The following STK32B variants were observed in gnomAD, a reference collection of about 807,000 sequenced individuals.
The protein encoded by STK32B is serine/threonine kinase 32B, also known as serine/threonine-protein kinase 32B.
Under a neutral mutation model 52.6 loss-of-function variants are expected in STK32B, and 43 were observed. The observed-to-expected ratio is 0.82, with a 90% CI of 0.64 to 1.05. The LOEUF is 1.05. Ranked by LOEUF, STK32B falls within the 50% of genes least tolerant of loss-of-function variation. The pLI is 0.00. For synonymous variants in STK32B, 238 were observed against 204.3 expected, an observed-to-expected ratio of 1.17 and a Z score of -1.41; for missense variants, 621 against 534.6, an observed-to-expected ratio of 1.16 and a Z score of -1.59.
intron 2 of STK32B, chr4:5,140,451 TG>T: frequency 6.1e-6 from 2 of 326,948 alleles, no homozygotes; most frequent in Non-Finnish European, 1.0e-5. Flanking sequence ...TTTTTTTTTT[TG>T]GCAATAATTG....
chr4:5,444,940 TCCC>T (rs1385639667), intron 6 of STK32B, among the ~76,000 whole-genome samples: 1 of 152,124 alleles, frequency 6.6e-6, no homozygotes, highest in Non-Finnish European at 1.5e-5. Context: ...GTTCTCAAAT[TCCC>T]AAGTGCACCA....
At chr4:5,229,841 A>T (rs73211106) in intron 3 of STK32B, among the ~76,000 whole-genome samples, 22,129 of 152,084 alleles carry the variant, frequency 0.15, 1,986 homozygotes, top group Admixed American at 0.27. Flanking sequence ...ATAGAATTTC[A>T]AAGGAACAAT....
At chr4:5,364,986 C>A (rs138751471) in intron 4 of STK32B, among the ~76,000 whole-genome samples, 5,842 of 152,248 alleles carry the variant, frequency 0.038, 225 homozygotes, top group African/African-American at 0.094. Context: ...AGCGATTCTC[C>A]TGCCTCAGCA....
chr4:5,230,662 A>G (rs556659402), intron 3 of STK32B, among the ~76,000 whole-genome samples: 11 of 152,306 alleles, frequency 7.2e-5, no homozygotes, highest in Middle Eastern at 6.8e-3. Flanking sequence ...CCACATTTTG[A>G]GTGCTGATAT....
At chr4:5,357,000 C>T (rs1156836613) in intron 4 of STK32B, among the ~76,000 whole-genome samples, 1 of 150,846 alleles carries the variant, frequency 6.6e-6, no homozygotes, top group African/African-American at 2.5e-5. Context: ...CTCTCTCTCT[C>T]ATATGTGTAT....
At chr4:5,433,457 A>C (rs1298759716) in intron 6 of STK32B, among the ~76,000 whole-genome samples, 1 of 152,124 alleles carries the variant, frequency 6.6e-6, no homozygotes, top group East Asian at 1.9e-4. Context: ...CAGGATGTGG[A>C]AACTGGAGAC....
chr4:5,333,408 G>T lies in STK32B; in HGVS notation c.434+2015G>T, dbSNP rs75960041. On this transcript the variant is annotated intron_variant, in intron 4 of 11. Transcript: ENST00000282908. ...TGTCAGATGAGTAGGTTGGGAAAAT[G>T]TTCTCCCATTTTGTAGGTTGCCTGT... Among the ~76,000 whole-genome samples, 1,035 of 152,206 alleles carry T rather than the reference G, an allele frequency of 6.8e-3. 6 individuals carry two copies. Among genetic ancestry groups the T allele is most frequent in the Middle Eastern group, 0.014 (4 of 294 alleles).
chr4:5,044,900 GAT>G, the STK32B span, among the ~76,000 whole-genome samples: 3 of 152,154 alleles, frequency 2.0e-5, no homozygotes, highest in African/African-American at 7.2e-5. Context: ...GACAGAGTGA[GAT>G]CCTGTCTCAA....
rs907701624 is a variant in STK32B at position 5,082,914 on chromosome 4, T to C, written c.52+30999T>C. ...TGTGCAATACAATTCACTTTCCACT[T>C]TCCAACTTTCCATTGATTGGTATTT... On this transcript the variant is annotated intron_variant, in intron 1 of 11. Coordinates refer to ENST00000282908, the MANE Select transcript of STK32B (RefSeq NM_018401.3). Among the ~76,000 whole-genome samples the C allele has an allele frequency of 2.6e-5, 4 of 152,228 alleles. No homozygotes were observed. The East Asian group carries it at 7.7e-4, about 29-fold the overall frequency.
At chr4:5,039,895 A>G in the STK32B span, among the ~76,000 whole-genome samples, 2 of 152,226 alleles carry the variant, frequency 1.3e-5, no homozygotes, top group African/African-American at 4.8e-5. Context: ...TGGTATCACC[A>G]AGACAGTGTC....
intron 6 of STK32B, among the ~76,000 whole-genome samples, chr4:5,434,558 T>A (rs533852074): frequency 2.0e-5 from 3 of 152,130 alleles, no homozygotes; most frequent in African/African-American, 7.2e-5. Context: ...TAGGTTGTCA[T>A]CATTCTGGTT....
chr4:5,331,183 T>G, intron 3 of STK32B, 37 bp from the exon 4 acceptor site: 1 of 1,570,716 alleles, frequency 6.4e-7, no homozygotes, highest in South Asian at 1.2e-5. Context: ...TGAAGGTGCC[T>G]CCACCCCTAA....
At chr4:5,060,775 G>A (rs1182156037) in intron 1 of STK32B, among the ~76,000 whole-genome samples, 1 of 152,036 alleles carries the variant, frequency 6.6e-6, no homozygotes, top group Non-Finnish European at 1.5e-5. Flanking sequence ...TGAGTCTTTT[G>A]CCAGTTATCA....
At chr4:5,190,510 A>G (rs927007855) in intron 3 of STK32B, among the ~76,000 whole-genome samples, 2 of 152,136 alleles carry the variant, frequency 1.3e-5, no homozygotes, top group Non-Finnish European at 2.9e-5. Context: ...TCATGGGTTC[A>G]TTTATTCAAC....
At chr4:5,262,218 T>A (rs1255567320) in intron 3 of STK32B, among the ~76,000 whole-genome samples, 1 of 152,132 alleles carries the variant, frequency 6.6e-6, no homozygotes, top group Non-Finnish European at 1.5e-5. Flanking sequence ...TCCCATTGCC[T>A]GTCTGGAGCT....
chr4:5,102,881 T>TCCCTC (rs1577070075), intron 1 of STK32B, among the ~76,000 whole-genome samples: 1 of 27,674 alleles, frequency 3.6e-5, no homozygotes, highest in African/African-American at 1.1e-4. Context: ...CTCCCTCCCT[T>TCCCTC]CTTTCCTTCC....
At chr4:5,042,790 C>T in the STK32B span, among the ~76,000 whole-genome samples, 1 of 152,184 alleles carries the variant, frequency 6.6e-6, no homozygotes, top group Non-Finnish European at 1.5e-5. Context: ...AATAGAGTAG[C>T]CAATAGCTCC....
chr4:5,278,303 AG>A (rs1178417400), intron 3 of STK32B, among the ~76,000 whole-genome samples: 2 of 152,222 alleles, frequency 1.3e-5, no homozygotes, highest in Non-Finnish European at 2.9e-5. Flanking sequence ...CAGAGCATTA[AG>A]GGTCTGAGCC....
rs569752422 is a variant in STK32B, at chr4:5,491,296, T to A, written c.1107-7649T>A. On this transcript the variant is annotated intron_variant, in intron 11 of 11. Transcript: ENST00000282908. ...TAACTGGTGTGAGATGGTATCTCAT[T>A]GTGGTTTTGATTTGCATTTCTCTGA... Among the ~76,000 whole-genome samples, 167 of 152,344 alleles carry A rather than the reference T, an allele frequency of 1.1e-3. 1 individual carries two copies. The highest frequency in any genetic ancestry group is 3.8e-3 in the African/African-American group (158 of 41,582).
Sources: allele counts gnomAD v4.1 joint callset (sites outside exome capture counted in the v4.1 genomes callset), GRCh38; gene constraint gnomAD v4.1.1; transcripts MANE v1.5; gene names NCBI Gene and HGNC (gene_info 2026-07-23, HGNC 2026-07-21).